Variants in STYXL2 observed in about 807,000 individuals in gnomAD.
STYXL2 encodes the protein serine/threonine/tyrosine interacting like 2.
In STYXL2, 44 loss-of-function variants were observed where a neutral mutation model predicts 52.4. That is an observed-to-expected ratio of 0.84 (90% CI 0.66 to 1.08). The LOEUF is 1.08. Among genes scored for constraint, STYXL2 ranks in the 50% least tolerant of loss-of-function variants. The pLI, the probability that STYXL2 is intolerant of heterozygous loss-of-function variation, is 0.00. For missense variants in STYXL2, 1,604 were observed against 1,471.7 expected (o/e 1.09, Z -1.47); for synonymous variants, 604 against 586.9 (o/e 1.03, Z -0.42).
At chr1:167,114,957 T>G (rs1366161382) in intron 3 of STYXL2, among the ~76,000 whole-genome samples, 1 of 152,210 alleles carries the variant, frequency 6.6e-6, no homozygotes, top group African/African-American at 2.4e-5. Flanking sequence ...CCTTCCACTC[T>G]GCATCATCTC....
chr1:167,104,435 G>A (rs1667469857), intron 2 of STYXL2, among the ~76,000 whole-genome samples: 1 of 152,170 alleles, frequency 6.6e-6, no homozygotes, highest in Non-Finnish European at 1.5e-5. Flanking sequence ...GACCTTCAGT[G>A]AATTTCTTTA....
At chr1:167,122,918 G>A (rs1007344454) in intron 5 of STYXL2, among the ~76,000 whole-genome samples, 1 of 152,166 alleles carries the variant, frequency 6.6e-6, no homozygotes, top group African/African-American at 2.4e-5. Flanking sequence ...CCACCACCTC[G>A]GCCTCCCAGG....
chr1:167,098,367 T>G (rs1667336292), intron 2 of STYXL2, among the ~76,000 whole-genome samples: 1 of 151,996 alleles, frequency 6.6e-6, no homozygotes. Context: ...CCTCAGCTAC[T>G]CAGGAAGCTG....
chr1:167,107,340 G>A (rs1667525709), intron 2 of STYXL2, among the ~76,000 whole-genome samples: 1 of 152,130 alleles, frequency 6.6e-6, no homozygotes. Flanking sequence ...CCAGATTCTA[G>A]GGCAGTAGAC....
At position 167,128,982 on chromosome 1, in the gene STYXL2, C is replaced by G; in HGVS notation, c.*374C>G. 1 of 198,306 alleles carries G rather than the reference C, an allele frequency of 5.0e-6. No individual in the cohort carries two copies. The highest frequency in any genetic ancestry group is 1.0e-5 in the Non-Finnish European group (1 of 96,628). The allele number at this position is 198,306 out of a possible 1,614,324, so 12.3% of individuals were successfully genotyped here. On this transcript the variant is annotated 3_prime_UTR_variant, in exon 6 of 6. Coordinates refer to ENST00000361200, the MANE Select transcript of STYXL2 (RefSeq NM_001080426.3). ...AGTTTACATCCAGAAAGGCCATGAA[C>G]ATAGGACACGCTTCTGTCTGTAGAG...
intron 2 of STYXL2, among the ~76,000 whole-genome samples, chr1:167,103,470 T>A (rs961789894): frequency 2.6e-5 from 4 of 152,168 alleles, no homozygotes; most frequent in Non-Finnish European, 1.5e-5. Context: ...CTGCTTGCTG[T>A]CCTGGCAGGG....
chr1:167,127,331 A>C lies in STYXL2; in HGVS notation c.2200A>C (p.Thr734Pro). 1 of 1,614,104 alleles carries C rather than the reference A, an allele frequency of 6.2e-7. No individual in the cohort carries two copies. Among genetic ancestry groups the C allele is most frequent in the Non-Finnish European group, 8.5e-7 (1 of 1,180,006 alleles). Residue 734 changes from threonine (T) to proline (P), a missense_variant, in exon 6 of 6, where the codon ACC becomes CCC. Coordinates refer to ENST00000361200, the MANE Select transcript of STYXL2 (RefSeq NM_001080426.3). ...QNWIANVVSETLAQKQNEMLL... is the reference protein window; with the variant it reads ...QNWIANVVSEPLAQKQNEMLL... ...CTGGATTGCCAATGTAGTCAGTGAG[A>C]CCCTTGCTCAGAAGCAAAATGAAAT...
intron 3 of STYXL2, among the ~76,000 whole-genome samples, chr1:167,114,628 C>A (rs1439801387): frequency 6.6e-6 from 1 of 152,220 alleles, no homozygotes; most frequent in Non-Finnish European, 1.5e-5. Context: ...TGGGTCTCCA[C>A]CAGGGTCTCT....
rs372973596 is a variant in STYXL2, at chr1:167,127,156, G to A, written c.2025G>A (p.Thr675=). The change falls in exon 6 of 6, where the codon ACG becomes ACA. Residue 675 remains threonine, a synonymous_variant. Transcript: ENST00000361200. ...ADPSVSADGD[T]TSVLSTQSHR... Reference sequence around the variant, plus strand: ...CCTCAGTCAGCGCTGATGGGGACACGACGTCAGTACTGAGCACCCAGAGCC... The same window carrying A: ...CCTCAGTCAGCGCTGATGGGGACACAACGTCAGTACTGAGCACCCAGAGCC... 7.1e-5 allele frequency: 114 copies of A among 1,614,008 alleles called. No homozygotes were observed. Among genetic ancestry groups the A allele is most frequent in the Admixed American group, 1.8e-4 (11 of 59,998 alleles).
intron 2 of STYXL2, among the ~76,000 whole-genome samples, chr1:167,100,661 T>C (rs1251572361): frequency 1.3e-5 from 2 of 152,210 alleles, no homozygotes; most frequent in Non-Finnish European, 2.9e-5. Flanking sequence ...CACTTTACTG[T>C]ACAATGGGCT....
Position 167,113,696 on chromosome 1 carries a change from T to C in STYXL2, c.111-14T>C, listed in dbSNP as rs754088991. On this transcript the variant is annotated splice_polypyrimidine_tract_variant and intron_variant, in intron 2 of 5. Transcript: ENST00000361200. ...GCTACAGGCTTATCTCACGTGAATA[T>C]CCTCTTCCCTTAGGTATTCGATGGT... 29 of 1,594,426 alleles carry C rather than the reference T, an allele frequency of 1.8e-5. No homozygotes were observed. The highest frequency in any genetic ancestry group is 2.3e-5 in the Non-Finnish European group (27 of 1,162,012).
At chr1:167,117,802 C>T (rs1667762353) in intron 4 of STYXL2, among the ~76,000 whole-genome samples, 1 of 152,200 alleles carries the variant, frequency 6.6e-6, no homozygotes, top group South Asian at 2.1e-4. Context: ...ACTCTCTTGT[C>T]CCTCAAGAAG....
chr1:167,098,775 A>G (rs980947585), intron 2 of STYXL2, among the ~76,000 whole-genome samples: 1 of 152,170 alleles, frequency 6.6e-6, no homozygotes, highest in Admixed American at 6.5e-5. Flanking sequence ...TGGCCGGAAT[A>G]CCTAAGATAG....
In STYXL2 at chr1:167,113,822, T is replaced by A; in HGVS notation, c.205+18T>A. On this transcript the variant is annotated intron_variant, in intron 3 of 5. Transcript: ENST00000361200. ...CAATGAAGGTAATGCAATCAAAAGC[T>A]GGGTGGAAGCAAAGTCCAGTGGTCA... 2 of 1,599,240 alleles carry A rather than the reference T, an allele frequency of 1.3e-6. No homozygotes were observed. The highest frequency in any genetic ancestry group is 1.7e-6 in the Non-Finnish European group (2 of 1,167,004).
intron 4 of STYXL2, among the ~76,000 whole-genome samples, chr1:167,118,649 C>A (rs907762314): frequency 1.3e-5 from 2 of 152,222 alleles, no homozygotes; most frequent in Non-Finnish European, 2.9e-5. Context: ...CTAAGCTGCA[C>A]TTATTCAGCT....
chr1:167,094,868 A>AC lies in STYXL2; in HGVS notation c.20dup (p.Glu8ArgfsTer29), dbSNP rs1270364669. 6.2e-7 allele frequency: 1 copy of AC among 1,613,318 alleles called. No individual in the cohort carries two copies. Among genetic ancestry groups the AC allele is most frequent in the Non-Finnish European group, 8.5e-7 (1 of 1,179,824 alleles). ...GGTTGTCATGGCGACCAGAAAGGAC[A>AC]CAGAGGAGGAGCAGGTAGTCCCAAG... is the stretch of plus-strand genomic sequence containing the variant. On this transcript the variant is annotated frameshift_variant, in exon 2 of 6. Coordinates refer to ENST00000361200, the MANE Select transcript of STYXL2 (RefSeq NM_001080426.3). LOFTEE classifies it high-confidence loss of function.
chr1:167,109,358 G>A (rs1226210442), intron 2 of STYXL2, among the ~76,000 whole-genome samples: 2 of 152,316 alleles, frequency 1.3e-5, no homozygotes, highest in South Asian at 4.1e-4. Context: ...CACAGTGAAA[G>A]TGAGACTGGC....
chr1:167,126,240 G>A lies in STYXL2; in HGVS notation c.1109G>A (p.Gly370Asp), dbSNP rs1457588037. Residue 370 changes from glycine to aspartate, a missense_variant, in exon 6 of 6, where the codon GGT becomes GAT. Gly to Asp is a moderately conservative substitution (Grantham distance 94). Transcript: ENST00000361200. Reference sequence around the variant, plus strand: ...TCAGACAAGGTCCCCCAGGATGGAGGTGGCTGGCGCTCAGCCTCCTCTGGC... The same window carrying A: ...TCAGACAAGGTCCCCCAGGATGGAGATGGCTGGCGCTCAGCCTCCTCTGGC... Reference protein sequence around the residue: ...LLSDKVPQDGGGWRSASSGQG... With the variant: ...LLSDKVPQDGDGWRSASSGQG... 1.3e-6 allele frequency: 2 copies of A among 1,545,084 alleles called. No individual in the cohort carries two copies. Among genetic ancestry groups the A allele is most frequent in the Middle Eastern group, 1.7e-4 (1 of 5,800 alleles).
chr1:167,117,088 G>T (rs1242017590), intron 3 of STYXL2, among the ~76,000 whole-genome samples: 1 of 152,200 alleles, frequency 6.6e-6, no homozygotes, highest in Non-Finnish European at 1.5e-5. Context: ...GGGAGTAAAA[G>T]AAATTGGATC....
Sources: allele counts gnomAD v4.1 joint callset (sites outside exome capture counted in the v4.1 genomes callset), GRCh38; gene constraint gnomAD v4.1.1; transcripts MANE v1.5; gene names NCBI Gene and HGNC (gene_info 2026-07-23, HGNC 2026-07-21).